Variants in CSMD2 observed in about 807,000 individuals in gnomAD.
CSMD2 encodes the protein CUB and sushi domain-containing protein 2.
CSMD2 carries 130 observed loss-of-function variants against 398.5 expected under a neutral mutation model. The ratio of observed to expected loss-of-function variants is 0.33; its 90% CI spans 0.28 to 0.38. The LOEUF is 0.38. Ranked by LOEUF, CSMD2 falls within the 10% of genes least tolerant of loss-of-function variation. CSMD2 has a pLI of 1.00. For missense variants in CSMD2, 3,829 were observed against 4,764.9 expected (o/e 0.80, Z 5.78); for synonymous variants, 1,828 against 1,908.5 (o/e 0.96, Z 1.10).
chr1:34,080,974 G>GAAAGAAAGAAAGAAAGAAAT (rs869103745), intron 2 of CSMD2, among the ~76,000 whole-genome samples: 2 of 140,574 alleles, frequency 1.4e-5, no homozygotes, highest in Admixed American at 7.3e-5. Context: ...AAGAAAGAAA[G>GAAAGAAAGAAAGAAAGAAAT]AAATGCACAG....
intron 5 of CSMD2, among the ~76,000 whole-genome samples, chr1:33,908,434 C>T (rs1351392265): frequency 3.3e-5 from 5 of 152,364 alleles, no homozygotes; most frequent in South Asian, 2.1e-4. Flanking sequence ...CAAGAGAGGT[C>T]GAGGACAGCA....
intron 29 of CSMD2, among the ~76,000 whole-genome samples, chr1:33,643,359 C>G (rs963244313): frequency 1.3e-5 from 2 of 152,252 alleles, no homozygotes; most frequent in African/African-American, 4.8e-5. Flanking sequence ...CACTTTACAT[C>G]TTCAGTAAAC....
chr1:34,089,315 G>A, intron 1 of CSMD2, 122 bp from the exon 2 acceptor site: 1 of 912,650 alleles, frequency 1.1e-6, no homozygotes, highest in Non-Finnish European at 1.7e-6. Flanking sequence ...CCATGAGCCA[G>A]CCCTGTACTT....
At chr1:33,589,074 A>T (rs1484941292) in intron 44 of CSMD2, among the ~76,000 whole-genome samples, 1 of 152,234 alleles carries the variant, frequency 6.6e-6, no homozygotes, top group African/African-American at 2.4e-5. Context: ...GCACTCGCTG[A>T]AATGTATCGT....
chr1:33,570,879 T>G (rs1271578906), intron 51 of CSMD2, among the ~76,000 whole-genome samples: 4 of 152,170 alleles, frequency 2.6e-5, no homozygotes. Context: ...AAGGCTTTCA[T>G]GGATACTGCA....
chr1:33,533,992 A>G lies in CSMD2; in HGVS notation c.9880-85T>C. 2 of 786,560 alleles carry G rather than the reference A, an allele frequency of 2.5e-6. No homozygotes were observed. The highest frequency in any genetic ancestry group is 2.6e-5 in the East Asian group (1 of 38,274). The allele number at this position is 786,560 out of a possible 1,614,324, so 48.7% of individuals were successfully genotyped here. ...TCCCTTGACCACTTTCACATGGCCCAACTCCTCCCGCACTGTTGCCTGCAA... is the reference window on the plus strand; with the variant it reads ...TCCCTTGACCACTTTCACATGGCCCGACTCCTCCCGCACTGTTGCCTGCAA... On this transcript the variant is annotated intron_variant, in intron 62 of 70. Transcript: ENST00000373381. The surrounding 1 kb of genome is among the most constrained non-coding windows in gnomAD (Gnocchi z 4.2).
chr1:33,535,960 T>C (rs917534715), intron 62 of CSMD2, among the ~76,000 whole-genome samples: 4 of 145,414 alleles, frequency 2.8e-5, no homozygotes, highest in Non-Finnish European at 6.2e-5. Context: ...TCTCAGAAGC[T>C]AGCTCGTTTA....
At chr1:34,067,223 C>T (rs1008825264) in intron 2 of CSMD2, among the ~76,000 whole-genome samples, 2 of 152,170 alleles carry the variant, frequency 1.3e-5, no homozygotes, top group Non-Finnish European at 2.9e-5. Context: ...CAGTTCTACA[C>T]TTGAGAATGA....
chr1:33,639,548 TGGA>T (rs747152762), intron 29 of CSMD2, among the ~76,000 whole-genome samples: 1 of 152,224 alleles, frequency 6.6e-6, no homozygotes, highest in Non-Finnish European at 1.5e-5. Flanking sequence ...TCTGAACTCC[TGGA>T]GGAGAAGGTT....
chr1:33,784,635 C>A (rs1463341899), intron 12 of CSMD2, among the ~76,000 whole-genome samples: 1 of 152,126 alleles, frequency 6.6e-6, no homozygotes, highest in Non-Finnish European at 1.5e-5. Flanking sequence ...GGAGGGAGGG[C>A]CCTAGGTGGG....
At chr1:34,022,698 A>G (rs1267834816) in intron 3 of CSMD2, among the ~76,000 whole-genome samples, 1 of 152,170 alleles carries the variant, frequency 6.6e-6, no homozygotes. Context: ...AAGTGGGAAG[A>G]CAGAGTATGG....
At chr1:34,122,884 C>T (rs1185281381) in intron 1 of CSMD2, among the ~76,000 whole-genome samples, 2 of 152,170 alleles carry the variant, frequency 1.3e-5, no homozygotes, top group Admixed American at 6.5e-5. Flanking sequence ...AATGGCAACT[C>T]GGGCAAGACA....
chr1:33,846,426 G>A (rs1661361351), intron 6 of CSMD2, among the ~76,000 whole-genome samples: 1 of 152,220 alleles, frequency 6.6e-6, no homozygotes, highest in Non-Finnish European at 1.5e-5. Context: ...AAAGGCTGGT[G>A]GTTAAGAGGG....
intron 6 of CSMD2, among the ~76,000 whole-genome samples, chr1:33,840,448 T>C (rs191861252): frequency 1.3e-5 from 2 of 152,274 alleles, no homozygotes; most frequent in East Asian, 3.9e-4. Context: ...TCCTCAAGAC[T>C]TCCTTCAGAC....
At chr1:34,008,101 A>T (rs761504758) in intron 3 of CSMD2, among the ~76,000 whole-genome samples, 7 of 152,212 alleles carry the variant, frequency 4.6e-5, no homozygotes, top group African/African-American at 1.7e-4. Flanking sequence ...TTTGCTGTCA[A>T]TTCTCTGCAC....
At chr1:33,562,417 T>A (rs914698783) in intron 53 of CSMD2, among the ~76,000 whole-genome samples, 1 of 152,160 alleles carries the variant, frequency 6.6e-6, no homozygotes, top group African/African-American at 2.4e-5. Context: ...CTGCAGCTCT[T>A]GGGTAGCAGA....
At position 34,003,119 on chromosome 1, in the gene CSMD2, C is replaced by T. The variant is rs183753850; in HGVS notation, c.517+29475G>A. ...AAGGGTACTCTCCTGCCTCTTCACA[C>T]CAACTCCCTCCTTCCTTCTCCAACT... On this transcript the variant is annotated intron_variant, in intron 3 of 70. Coordinates refer to ENST00000373381, the MANE Select transcript of CSMD2 (RefSeq NM_001281956.2). Among the ~76,000 whole-genome samples, 7 of 152,274 alleles carry T rather than the reference C, an allele frequency of 4.6e-5. No individual in the cohort carries two copies. In the East Asian group the frequency reaches 1.4e-3, roughly 30 times the overall value.
At chr1:33,649,630 T>C (rs1643647796) in intron 28 of CSMD2, among the ~76,000 whole-genome samples, 1 of 152,144 alleles carries the variant, frequency 6.6e-6, no homozygotes, top group Admixed American at 6.5e-5. Context: ...GGTGACAGAA[T>C]GAAACTTTGT....
intron 3 of CSMD2, among the ~76,000 whole-genome samples, chr1:33,945,815 G>C (rs952270784): frequency 7.2e-5 from 11 of 152,142 alleles, no homozygotes; most frequent in African/African-American, 2.4e-4. Context: ...AGCCCGATCT[G>C]CCCCGACAGC....
Sources: allele counts gnomAD v4.1 joint callset (sites outside exome capture counted in the v4.1 genomes callset), GRCh38; gene constraint gnomAD v4.1.1; non-coding constraint Gnocchi (gnomAD v3.1); transcripts MANE v1.5; gene names NCBI Gene and HGNC (gene_info 2026-07-23, HGNC 2026-07-21).